Variants in MCF2L observed in about 807,000 individuals in gnomAD.
MCF2L encodes the protein MCF.2 cell line derived transforming sequence like.
MCF2L carries 97 observed loss-of-function variants against 153.4 expected under a neutral mutation model. That is an observed-to-expected ratio of 0.63 (90% confidence interval 0.54 to 0.75). The LOEUF (loss-of-function observed/expected upper bound fraction) is 0.75. Ranked by LOEUF, MCF2L falls within the 30% of genes least tolerant of loss-of-function variation. The pLI is 0.00. For synonymous variants in MCF2L, 659 were observed against 632.2 expected, an observed-to-expected ratio of 1.04 and a Z score of -0.64; for missense variants, 1,347 against 1,495.2, an observed-to-expected ratio of 0.90 and a Z score of 1.64.
Position 113,070,322 on chromosome 13 carries a change from T to C in MCF2L, c.996+149T>C, listed in dbSNP as rs2032772567. On this transcript the variant is annotated intron_variant, in intron 9 of 29. Transcript: ENST00000535094. This position sits in a 1 kb window ranked among gnomAD's most constrained non-coding sequence, Gnocchi z 5.6. Reference sequence around the variant, plus strand: ...AAGTCTCCGCTTGCCAGGTGGAGCCTGTGAGATTAAGTCAGGCTGAGCCTT... The same window carrying C: ...AAGTCTCCGCTTGCCAGGTGGAGCCCGTGAGATTAAGTCAGGCTGAGCCTT... The C allele has an allele frequency of 3.9e-6, 2 of 506,792 alleles. No homozygotes were observed. Among genetic ancestry groups the C allele is most frequent in the South Asian group, 5.3e-5 (2 of 37,488 alleles). 31.4% of individuals were successfully genotyped at this position (506,792 alleles called of 1,614,324 possible). A position where few individuals can be genotyped will look rare whatever the true frequency, so the allele number is the denominator to read the frequency against.
At chr13:113,043,116 C>T (rs1370267039) in intron 3 of MCF2L, 1 of 152,264 alleles carries the variant, frequency 6.6e-6, no homozygotes. Flanking sequence ...AGATGGTTCA[C>T]AGCCAAGTCA....
chr13:112,918,967 C>T (rs1318774078), intron 2 of MCF2L, among the ~76,000 whole-genome samples: 2 of 152,166 alleles, frequency 1.3e-5, no homozygotes, highest in African/African-American at 4.8e-5. Flanking sequence ...GCGCCCCCTT[C>T]CACTGCACTT....
rs372232596 is a variant in MCF2L at position 113,082,019 on chromosome 13, G to A, written c.1876-408G>A. On this transcript the variant is annotated intron_variant, in intron 16 of 29. Transcript: ENST00000535094. ...GTGTGCACAGGTGGTGACCACCTGAGTGTAGACAGCGAGTGTGCACAGGTG... is the reference window on the plus strand; with the variant it reads ...GTGTGCACAGGTGGTGACCACCTGAATGTAGACAGCGAGTGTGCACAGGTG... 2.6e-5 allele frequency among the ~76,000 whole-genome samples: 4 copies of A among 151,156 alleles called. No individual in the cohort carries two copies. The East Asian group carries it at 5.9e-4, about 22-fold the overall frequency.
intron 4 of MCF2L, among the ~76,000 whole-genome samples, chr13:113,057,299 G>A (rs1273411662): frequency 6.9e-6 from 1 of 145,550 alleles, no homozygotes. Flanking sequence ...TGCTGTGGGT[G>A]CTGAATGGGT....
At chr13:113,084,794 G>A in intron 18 of MCF2L, 98 bp from the exon 19 acceptor site, 1 of 890,118 alleles carries the variant, frequency 1.1e-6, no homozygotes. Context: ...GCGTGATGCG[G>A]TGCCCGTCCC....
At chr13:113,056,702 G>A (rs112311285) in intron 4 of MCF2L, among the ~76,000 whole-genome samples, 124 of 142,968 alleles carry the variant, frequency 8.7e-4, no homozygotes, top group African/African-American at 3.1e-3. Context: ...TGAGTGTTTA[G>A]GTGCTGTGTG....
chr13:112,910,793 C>G (rs2081222802), intron 2 of MCF2L, among the ~76,000 whole-genome samples: 1 of 152,252 alleles, frequency 6.6e-6, no homozygotes, highest in African/African-American at 2.4e-5. Context: ...GAGCTCTTCT[C>G]GCCTTCACCT....
intron 1 of MCF2L, among the ~76,000 whole-genome samples, chr13:113,002,203 T>C (rs2083422219): frequency 6.6e-6 from 1 of 152,072 alleles, no homozygotes; most frequent in Non-Finnish European, 1.5e-5. Flanking sequence ...GCACGGGCCT[T>C]GCCCGATGGA....
intron 3 of MCF2L, chr13:113,044,822 A>G (rs2086706877): frequency 6.2e-7 from 1 of 1,612,834 alleles, no homozygotes; most frequent in African/African-American, 1.3e-5. Context: ...CACCGTAGCC[A>G]TGCCACCACG....
At chr13:113,001,362 AG>A (rs1188958176) in intron 1 of MCF2L, 2 of 152,454 alleles carry the variant, frequency 1.3e-5, no homozygotes, top group Non-Finnish European at 2.9e-5. Context: ...GTGTGTTGCC[AG>A]GGGCAGAAGG....
intron 2 of MCF2L, chr13:112,917,338 G>C (rs747888791): frequency 5.5e-6 from 2 of 366,812 alleles, no homozygotes; most frequent in Admixed American, 3.5e-5. Context: ...AAACCCCATC[G>C]TCCTCATCTG....
rs376507219 is a variant in MCF2L, at chr13:113,085,190, G to A, written c.2247+12G>A. ...AGCTGCTGCTCAAGGTGGGCTCCGC[G>A]GTGACCGTGGCCCGGCCTCCCCAGC... On this transcript the variant is annotated intron_variant, in intron 20 of 29. Coordinates refer to ENST00000535094, the MANE Select transcript of MCF2L (RefSeq NM_001112732.3). The A allele has an allele frequency of 1.0e-4, 163 of 1,611,684 alleles. No individual in the cohort carries two copies. The highest frequency in any genetic ancestry group is 9.1e-4 in the East Asian group (41 of 44,844).
chr13:113,083,848 C>CGCGTGCTTGGTGCTTGG, intron 17 of MCF2L, 150 bp from the exon 18 acceptor site: 1 of 676,744 alleles, frequency 1.5e-6, no homozygotes, highest in Non-Finnish European at 2.7e-6. Context: ...GTGCTCAGGA[C>CGCGTGCTTGGTGCTTGG]AGGCGTGGCT....
intron 2 of MCF2L, among the ~76,000 whole-genome samples, chr13:112,915,315 A>G (rs2081279633): frequency 6.7e-6 from 1 of 150,256 alleles, no homozygotes; most frequent in African/African-American, 2.5e-5. Flanking sequence ...AGGCTGAGGC[A>G]GGAGAATCGC....
At chr13:113,000,054 G>A (rs2083297401) in intron 1 of MCF2L, among the ~76,000 whole-genome samples, 2 of 152,184 alleles carry the variant, frequency 1.3e-5, no homozygotes, top group African/African-American at 2.4e-5. Flanking sequence ...CAGGTGGCAG[G>A]TGCATCGGCT....
chr13:112,973,765 G>A lies in MCF2L; in HGVS notation c.79+4307G>A, dbSNP rs143965451. On this transcript the variant is annotated intron_variant, in intron 1 of 29. Transcript: ENST00000535094. ...GTGTTTGCTTGGAGCGCCCTTCAGG[G>A]AGACCCGTGGCTCCAGGGGCTGGCG... Among the ~76,000 whole-genome samples, 671 of 152,316 alleles carry A rather than the reference G, an allele frequency of 4.4e-3. 8 individuals are homozygous for A. The highest frequency in any genetic ancestry group is 0.015 in the African/African-American group (615 of 41,566).
intron 1 of MCF2L, among the ~76,000 whole-genome samples, chr13:113,014,043 G>A (rs913060532): frequency 7.2e-5 from 11 of 152,010 alleles, no homozygotes; most frequent in African/African-American, 2.2e-4. Flanking sequence ...AGCTGGTGCT[G>A]ACCCCATGCT....
chr13:113,029,283 G>A (rs1370942152), intron 3 of MCF2L, among the ~76,000 whole-genome samples: 1 of 152,176 alleles, frequency 6.6e-6, no homozygotes, highest in African/African-American at 2.4e-5. Context: ...GCACGGGGCT[G>A]CAGGCGTGCT....
At position 112,919,205 on chromosome 13, in the gene MCF2L, A is replaced by ATTTTT. The variant is rs11431408; in HGVS notation, c.169+16848_169+16852dup. Reference sequence around the variant, plus strand: ...AAAAGACTATCAGGTAAGAATTTGCATTTTTTTTTTTTTTTTTTGAGACGG... The same window carrying ATTTTT: ...AAAAGACTATCAGGTAAGAATTTGCATTTTTTTTTTTTTTTTTTTTTTTGAGACGG... On this transcript the variant is annotated intron_variant, in intron 2 of 29. Coordinates refer to the MCF2L transcript ENST00000375608. Among the ~76,000 whole-genome samples, 10 of 125,642 alleles carry ATTTTT rather than the reference A, an allele frequency of 8.0e-5. 1 individual carries two copies. Among genetic ancestry groups the ATTTTT allele is most frequent in the Admixed American group, 3.5e-4 (4 of 11,360 alleles). The allele number at this position is 125,642 out of a possible 152,430, so 82.4% of individuals were successfully genotyped here.
Sources: gnomAD v4.1 joint callset for allele counts (sites outside exome capture counted in the v4.1 genomes callset) on GRCh38, gnomAD v4.1.1 for gene constraint, Gnocchi (gnomAD v3.1) non-coding constraint, MANE v1.5 for transcripts, NCBI Gene and HGNC (gene_info 2026-07-23, HGNC 2026-07-21) for gene names.